BBX: variants seen among roughly 807,000 people sequenced by gnomAD.
The protein encoded by BBX is HMG box transcription factor BBX.
BBX carries 30 observed loss-of-function variants against 100.2 expected under a neutral mutation model. The observed-to-expected ratio is 0.30, with a 90% CI of 0.22 to 0.41. The LOEUF (loss-of-function observed/expected upper bound fraction) is 0.41, where lower values mean the gene tolerates loss of function less well. Among genes scored for constraint, BBX ranks in the 10% least tolerant of loss-of-function variants. The pLI, the probability that BBX is intolerant of heterozygous loss-of-function variation, is 1.00. For synonymous variants in BBX, 376 were observed against 388.1 expected (o/e 0.97, Z 0.37); for missense variants, 1,023 against 1,129.8 (o/e 0.91, Z 1.35).
chr3:107,688,818 G>A (rs1044858321), intron 3 of BBX, among the ~76,000 whole-genome samples: 3 of 152,096 alleles, frequency 2.0e-5, no homozygotes, highest in African/African-American at 7.2e-5. Flanking sequence ...CTCCCTAGAG[G>A]AGTTATATAT....
At chr3:107,781,354 C>T (rs950767141) in intron 13 of BBX, among the ~76,000 whole-genome samples, 2 of 152,006 alleles carry the variant, frequency 1.3e-5, no homozygotes, top group Non-Finnish European at 2.9e-5. Flanking sequence ...CCACTTTCCT[C>T]CAACTTGGGC....
chr3:107,798,433 G>A (rs1409584312), intron 15 of BBX, 90 bp from the exon 16 acceptor site: 28 of 1,226,736 alleles, frequency 2.3e-5, no homozygotes, highest in South Asian at 7.8e-5. Flanking sequence ...CCATTCAGAC[G>A]GGTCAGAAAT....
At chr3:107,802,042 T>C (rs2070552460) in intron 17 of BBX, among the ~76,000 whole-genome samples, 1 of 152,212 alleles carries the variant, frequency 6.6e-6, no homozygotes, top group Admixed American at 6.5e-5. Flanking sequence ...TATATTAAGT[T>C]CTAAGTGTAT....
intron 6 of BBX, among the ~76,000 whole-genome samples, chr3:107,729,555 T>C (rs1471466625): frequency 6.6e-6 from 1 of 152,180 alleles, no homozygotes; most frequent in African/African-American, 2.4e-5. Context: ...GGTGGTAAGG[T>C]ATGCTAAATC....
At chr3:107,604,010 C>G (rs1322484902) in intron 2 of BBX, among the ~76,000 whole-genome samples, 1 of 152,122 alleles carries the variant, frequency 6.6e-6, no homozygotes. Context: ...CCCATAGTAT[C>G]TCCAAGGATT....
At chr3:107,795,064 T>A (rs2069468670) in intron 15 of BBX, among the ~76,000 whole-genome samples, 1 of 152,234 alleles carries the variant, frequency 6.6e-6, no homozygotes, top group Admixed American at 6.5e-5. Flanking sequence ...AATTAAAAGC[T>A]GGAAAAGAAA....
intron 17 of BBX, 70 bp downstream of exon 17, chr3:107,801,351 C>G: frequency 2.0e-6 from 3 of 1,519,866 alleles, no homozygotes; most frequent in Admixed American, 3.9e-5. Flanking sequence ...TGATTTGTGA[C>G]ATTTTTTACA....
At chr3:107,777,667 G>A (rs928987506) in intron 12 of BBX, among the ~76,000 whole-genome samples, 6 of 152,114 alleles carry the variant, frequency 3.9e-5, no homozygotes, top group East Asian at 1.9e-4. Context: ...CCAACTTTAC[G>A]GGTGGCATTT....
At position 107,538,216 on chromosome 3, in the gene BBX, T is replaced by C. The variant is rs140247947; in HGVS notation, c.-84+11818T>C. 2.0e-5 allele frequency among the ~76,000 whole-genome samples: 3 copies of C among 152,296 alleles called. No individual in the cohort carries two copies. The East Asian group carries it at 5.8e-4, about 29-fold the overall frequency. ...ACTAGGGTTTTTTTTATGTTAATAATTTTCTACAGATAATCTCTGCATGAG... is the reference window on the plus strand; with the variant it reads ...ACTAGGGTTTTTTTTATGTTAATAACTTTCTACAGATAATCTCTGCATGAG... On this transcript the variant is annotated intron_variant, in intron 2 of 17. Coordinates refer to ENST00000325805, the MANE Select transcript of BBX (RefSeq NM_001142568.3).
chr3:107,798,119 C>G (rs1222319086), intron 15 of BBX, among the ~76,000 whole-genome samples: 1 of 152,198 alleles, frequency 6.6e-6, no homozygotes, highest in East Asian at 1.9e-4. Flanking sequence ...TTTTAGTGTC[C>G]TCTGAAGAAA....
chr3:107,650,538 A>G (rs1191367069), intron 3 of BBX, among the ~76,000 whole-genome samples: 4 of 152,138 alleles, frequency 2.6e-5, no homozygotes, highest in Admixed American at 2.0e-4. Context: ...ACATAGTAAT[A>G]TCTTTTATGA....
chr3:107,540,348 A>G (rs78513545), intron 2 of BBX, among the ~76,000 whole-genome samples: 223 of 152,294 alleles, frequency 1.5e-3, no homozygotes, highest in African/African-American at 5.1e-3. Context: ...CATCTTAAGC[A>G]GTAAGATCTG....
At chr3:107,789,142 G>A (rs1239559976) in intron 13 of BBX, among the ~76,000 whole-genome samples, 1 of 151,894 alleles carries the variant, frequency 6.6e-6, no homozygotes, top group African/African-American at 2.4e-5. Flanking sequence ...GCTTTGGGGA[G>A]GTCAGTGCTG....
intron 3 of BBX, among the ~76,000 whole-genome samples, chr3:107,665,635 C>T (rs2058699980): frequency 6.6e-6 from 1 of 152,056 alleles, no homozygotes; most frequent in Admixed American, 6.5e-5. Context: ...TAAAAAATGC[C>T]TTTGGCTTCC....
At chr3:107,534,015 A>G (rs1335595644) in intron 2 of BBX, among the ~76,000 whole-genome samples, 3 of 152,180 alleles carry the variant, frequency 2.0e-5, no homozygotes, top group African/African-American at 7.2e-5. Flanking sequence ...AAAATGAAAA[A>G]TATGTCATGG....
At chr3:107,706,587 C>G (rs1258723563) in intron 3 of BBX, among the ~76,000 whole-genome samples, 1 of 152,036 alleles carries the variant, frequency 6.6e-6, no homozygotes, top group Non-Finnish European at 1.5e-5. Flanking sequence ...GTTAAATAAC[C>G]TGATTTCAAT....
chr3:107,617,150 C>T (rs2055354514), intron 2 of BBX, among the ~76,000 whole-genome samples: 1 of 152,142 alleles, frequency 6.6e-6, no homozygotes, highest in Non-Finnish European at 1.5e-5. Context: ...AAAGGCTATC[C>T]TTCCTCCATT....
chr3:107,729,007 A>C, intron 6 of BBX, 47 bp downstream of exon 6: 1 of 1,569,258 alleles, frequency 6.4e-7, no homozygotes, highest in African/African-American at 1.4e-5. Flanking sequence ...ACAGGGCAAT[A>C]CATTTCGGCA....
chr3:107,649,313 T>A (rs2057704483), intron 3 of BBX, among the ~76,000 whole-genome samples: 1 of 152,114 alleles, frequency 6.6e-6, no homozygotes, highest in Non-Finnish European at 1.5e-5. Context: ...TAAAAAAAAA[T>A]AAGGTTAGAA....
Sources: gnomAD v4.1 joint callset for allele counts (sites outside exome capture counted in the v4.1 genomes callset) on GRCh38, gnomAD v4.1.1 for gene constraint, MANE v1.5 for transcripts, NCBI Gene and HGNC (gene_info 2026-07-23, HGNC 2026-07-21) for gene names.